Variants in NTM observed in about 807,000 individuals in gnomAD.
The protein encoded by NTM is IgLON family member 2.
A neutral mutation model predicts 42.1 loss-of-function variants in NTM; 13 were observed. The observed-to-expected ratio is 0.31, with a 90% confidence interval of 0.20 to 0.49. NTM has a LOEUF of 0.49. Among genes scored for constraint, NTM ranks in the 20% least tolerant of loss-of-function variants. The pLI, the probability that NTM is intolerant of heterozygous loss-of-function variation, is 0.99. For missense variants in NTM, 373 were observed against 452.8 expected, an observed-to-expected ratio of 0.82 and a Z score of 1.60; for synonymous variants, 187 against 179.2, an observed-to-expected ratio of 1.04 and a Z score of -0.35.
chr11:131,485,127 G>A (rs946950795), intron 1 of NTM, among the ~76,000 whole-genome samples: 4 of 152,216 alleles, frequency 2.6e-5, no homozygotes, highest in African/African-American at 9.7e-5. Context: ...GAAATTCTCA[G>A]TTGGTACCAG....
At chr11:131,664,589 T>G (rs1229332961) in intron 1 of NTM, among the ~76,000 whole-genome samples, 1 of 152,064 alleles carries the variant, frequency 6.6e-6, no homozygotes, top group African/African-American at 2.4e-5. Flanking sequence ...AGGTACCAAA[T>G]GAACACGCGC....
At chr11:131,660,306 G>A (rs1423073701) in intron 1 of NTM, 4 of 359,178 alleles carry the variant, frequency 1.1e-5, no homozygotes, top group South Asian at 6.2e-5. Context: ...AGGTCTGAAA[G>A]ACAGATGCTG....
At chr11:131,384,495 G>T (rs1177753391) in intron 1 of NTM, among the ~76,000 whole-genome samples, 1 of 152,158 alleles carries the variant, frequency 6.6e-6, no homozygotes, top group Non-Finnish European at 1.5e-5. Flanking sequence ...ATGGGGTGGG[G>T]ATACAAATAG....
intron 3 of NTM, among the ~76,000 whole-genome samples, chr11:132,171,408 G>A (rs1485861021): frequency 1.3e-5 from 2 of 152,142 alleles, no homozygotes; most frequent in Non-Finnish European, 2.9e-5. Flanking sequence ...TGTCTGGCGT[G>A]GGCTCACTTC....
intron 1 of NTM, among the ~76,000 whole-genome samples, chr11:131,781,823 G>A (rs760374100): frequency 2.0e-5 from 3 of 152,226 alleles, no homozygotes; most frequent in African/African-American, 4.8e-5. Flanking sequence ...CTCTCTGGAA[G>A]CTCATTATCT....
intron 4 of NTM, among the ~76,000 whole-genome samples, chr11:132,214,837 G>A (rs1434766165): frequency 6.6e-6 from 1 of 152,212 alleles, no homozygotes; most frequent in Non-Finnish European, 1.5e-5. Context: ...AGGACAATCA[G>A]AATGTACCTG....
At chr11:131,439,249 G>T (rs1315651510) in intron 1 of NTM, among the ~76,000 whole-genome samples, 2 of 152,190 alleles carry the variant, frequency 1.3e-5, no homozygotes, top group Non-Finnish European at 2.9e-5. Flanking sequence ...TCCCAGTTAG[G>T]CTACTCGGGG....
At chr11:131,378,510 G>A (rs553913569) in intron 1 of NTM, among the ~76,000 whole-genome samples, 6 of 152,284 alleles carry the variant, frequency 3.9e-5, no homozygotes, top group South Asian at 4.1e-4. Context: ...CAAACTCTAC[G>A]TGCTATCTCA....
chr11:131,611,403 A>G (rs1409221780), intron 1 of NTM, among the ~76,000 whole-genome samples: 1 of 152,206 alleles, frequency 6.6e-6, no homozygotes, highest in Non-Finnish European at 1.5e-5. Context: ...GCATTTTATA[A>G]TCACACGCTA....
chr11:131,595,240 C>T (rs2059716551), intron 1 of NTM, among the ~76,000 whole-genome samples: 1 of 152,168 alleles, frequency 6.6e-6, no homozygotes, highest in Admixed American at 6.5e-5. Flanking sequence ...CAGTGAATCA[C>T]CTGCTGGTGT....
intron 1 of NTM, among the ~76,000 whole-genome samples, chr11:131,908,420 C>G (rs910477776): frequency 6.6e-6 from 1 of 152,198 alleles, no homozygotes; most frequent in African/African-American, 2.4e-5. Context: ...AAAACTAATG[C>G]TCCTTTGTAC....
chr11:131,767,100 C>G (rs2085240121), intron 1 of NTM: 8 of 971,872 alleles, frequency 8.2e-6, no homozygotes, highest in Non-Finnish European at 9.8e-6. Context: ...GAACTCTGGA[C>G]AAGGCAGTAA....
chr11:131,533,824 G>A (rs2051686065), intron 1 of NTM: 1 of 152,210 alleles, frequency 6.6e-6, no homozygotes, highest in Non-Finnish European at 1.5e-5. Context: ...ACAAACCGCA[G>A]GTTTTGTCCA....
At chr11:131,864,252 G>A (rs1196477536) in intron 1 of NTM, among the ~76,000 whole-genome samples, 1 of 152,202 alleles carries the variant, frequency 6.6e-6, no homozygotes, top group African/African-American at 2.4e-5. Context: ...AAATCCATCA[G>A]GGCAGGATCC....
rs2090516189 is a variant in NTM at position 131,789,645 on chromosome 11, G to GAAGAAGAAGAAGA, written c.83-121917_83-121905dup. 6.2e-5 allele frequency among the ~76,000 whole-genome samples: 8 copies of GAAGAAGAAGAAGA among 128,302 alleles called. 1 individual carries two copies. Among genetic ancestry groups the GAAGAAGAAGAAGA allele is most frequent in the African/African-American group, 2.1e-4 (7 of 33,916 alleles). 84.2% of individuals were successfully genotyped at this position (128,302 alleles called of 152,430 possible). ...AAGAAGAAGAAGAAGAAAAGAAGAA[G>GAAGAAGAAGAAGA]AAGAAGAAGAAGAAGAAGAAGAAAG... On this transcript the variant is annotated intron_variant, in intron 1 of 8. Coordinates refer to ENST00000683400, the MANE Select transcript of NTM (RefSeq NM_001352005.2).
chr11:132,082,456 T>G (rs1317934429), intron 2 of NTM, among the ~76,000 whole-genome samples: 2 of 152,132 alleles, frequency 1.3e-5, no homozygotes, highest in Non-Finnish European at 2.9e-5. Flanking sequence ...GTCCTTAGTC[T>G]TCTAAAAAAT....
chr11:131,821,173 A>G (rs1456603635), intron 1 of NTM, among the ~76,000 whole-genome samples: 1 of 152,170 alleles, frequency 6.6e-6, no homozygotes, highest in Non-Finnish European at 1.5e-5. Context: ...CCTAGTTTCT[A>G]TTCTTGGTCT....
At chr11:131,621,763 A>G (rs1209040119) in intron 1 of NTM, among the ~76,000 whole-genome samples, 1 of 149,884 alleles carries the variant, frequency 6.7e-6, no homozygotes, top group Non-Finnish European at 1.5e-5. Flanking sequence ...TTGAGGCTGC[A>G]GTAAGCTGTG....
At chr11:132,313,755 C>T (rs1038627893) in intron 6 of NTM, among the ~76,000 whole-genome samples, 4 of 152,116 alleles carry the variant, frequency 2.6e-5, no homozygotes, top group African/African-American at 9.7e-5. Context: ...TTCTAATAAG[C>T]ATACCTCACT....
Sources: allele counts gnomAD v4.1 joint callset (sites outside exome capture counted in the v4.1 genomes callset), GRCh38; gene constraint gnomAD v4.1.1; transcripts MANE v1.5; gene names NCBI Gene and HGNC (gene_info 2026-07-23, HGNC 2026-07-21).